FSTL5: variants seen among roughly 807,000 people sequenced by gnomAD.
FSTL5 encodes follistatin-related protein 5.
A neutral mutation model predicts 89.1 loss-of-function variants in FSTL5; 62 were observed. The observed-to-expected ratio is 0.70, with a 90% CI of 0.57 to 0.86. FSTL5 has a LOEUF of 0.86. Ranked by LOEUF, FSTL5 falls within the 40% of genes least tolerant of loss-of-function variation. The pLI is 0.00. For missense variants in FSTL5, 1,057 were observed against 1,001.6 expected (o/e 1.06, Z -0.75); for synonymous variants, 383 against 346.2 (o/e 1.11, Z -1.18).
intron 3 of FSTL5, among the ~76,000 whole-genome samples, chr4:161,927,147 A>C (rs1734149586): frequency 6.6e-6 from 1 of 151,790 alleles, no homozygotes. Context: ...AACCATGTTG[A>C]TCTAGATAAT....
intron 13 of FSTL5, among the ~76,000 whole-genome samples, chr4:161,480,118 TGAAAAG>T (rs1434034842): frequency 6.6e-6 from 1 of 152,154 alleles, no homozygotes; most frequent in Non-Finnish European, 1.5e-5. Flanking sequence ...TCTCTGTAAA[TGAAAAG>T]AATGTTTTGG....
At chr4:161,731,716 T>C (rs374297183) in intron 6 of FSTL5, among the ~76,000 whole-genome samples, 11 of 151,756 alleles carry the variant, frequency 7.2e-5, no homozygotes, top group African/African-American at 2.7e-4. Context: ...TAGATTACTT[T>C]GCATTTTTAA....
intron 7 of FSTL5, among the ~76,000 whole-genome samples, chr4:161,620,733 A>G (rs1735093622): frequency 6.6e-6 from 1 of 152,216 alleles, no homozygotes; most frequent in South Asian, 2.1e-4. Context: ...ACAAAGTGAT[A>G]ATTTAGATAT....
intron 5 of FSTL5, among the ~76,000 whole-genome samples, chr4:161,774,407 CA>C (rs1222968121): frequency 6.6e-6 from 1 of 152,134 alleles, no homozygotes; most frequent in Non-Finnish European, 1.5e-5. Flanking sequence ...GTTTTAGCCA[CA>C]CAGTTTGTGG....
At chr4:161,560,659 C>G (rs778248097) in intron 8 of FSTL5, among the ~76,000 whole-genome samples, 13 of 151,490 alleles carry the variant, frequency 8.6e-5, no homozygotes, top group Non-Finnish European at 2.9e-5. Flanking sequence ...ATTAGTTGAG[C>G]CCTACACAGG....
intron 4 of FSTL5, among the ~76,000 whole-genome samples, chr4:161,871,212 C>T (rs1315457854): frequency 2.6e-5 from 4 of 151,986 alleles, no homozygotes; most frequent in African/African-American, 9.7e-5. Flanking sequence ...ACACAGATTA[C>T]TGAAATTAAT....
intron 11 of FSTL5, among the ~76,000 whole-genome samples, chr4:161,508,966 T>G (rs952993881): frequency 2.0e-5 from 3 of 152,180 alleles, no homozygotes; most frequent in Non-Finnish European, 4.4e-5. Context: ...ATAAAATCAA[T>G]TTTTAAAATG....
chr4:161,591,990 A>AT (rs1246292063), intron 7 of FSTL5, among the ~76,000 whole-genome samples: 1 of 152,218 alleles, frequency 6.6e-6, no homozygotes, highest in Non-Finnish European at 1.5e-5. Context: ...CTTGTCAGTC[A>AT]TAAGTTGAAC....
chr4:161,775,922 C>T lies in FSTL5; in HGVS notation c.562G>A (p.Asp188Asn). 1 of 1,602,364 alleles carries T rather than the reference C, an allele frequency of 6.2e-7. No homozygotes were observed. The highest frequency in any genetic ancestry group is 8.5e-7 in the Non-Finnish European group (1 of 1,174,830). ...TCTACAAGTCCATTACTGTCTGCATCAAAATATTTAAACATTTGATCCACC... is the reference window on the plus strand; with the variant it reads ...TCTACAAGTCCATTACTGTCTGCATTAAAATATTTAAACATTTGATCCACC... The part of the protein sequence containing the change: ...LLVDQMFKYF[D>N]ADSNGLVDIN... Residue 188 changes from aspartate to asparagine, a missense_variant, in exon 5 of 16, where the codon GAT becomes AAT. Transcript: ENST00000306100.
intron 4 of FSTL5, among the ~76,000 whole-genome samples, chr4:161,820,836 A>G (rs919424228): frequency 2.0e-5 from 3 of 152,070 alleles, no homozygotes; most frequent in African/African-American, 4.8e-5. Context: ...AAAGATGTCA[A>G]TGATAATCTG....
intron 8 of FSTL5, among the ~76,000 whole-genome samples, chr4:161,570,342 G>C (rs990930733): frequency 6.6e-6 from 1 of 152,126 alleles, no homozygotes; most frequent in Non-Finnish European, 1.5e-5. Context: ...GAATCTTCTG[G>C]GCAGGGGAAA....
chr4:161,792,822 T>C (rs533055196), intron 4 of FSTL5, among the ~76,000 whole-genome samples: 5 of 152,126 alleles, frequency 3.3e-5, no homozygotes, highest in Non-Finnish European at 7.4e-5. Context: ...TCTTCCTGGA[T>C]GTGGGACAAT....
intron 3 of FSTL5, among the ~76,000 whole-genome samples, chr4:161,921,336 A>G (rs1314102683): frequency 1.3e-5 from 2 of 152,172 alleles, no homozygotes; most frequent in Non-Finnish European, 1.5e-5. Flanking sequence ...CTTGTTACTT[A>G]TTTAGTCTAA....
chr4:161,842,319 A>T (rs1193967529), intron 4 of FSTL5, among the ~76,000 whole-genome samples: 2 of 152,120 alleles, frequency 1.3e-5, no homozygotes, highest in African/African-American at 4.8e-5. Context: ...TAACTATGAG[A>T]CTAAGAGTGA....
chr4:161,618,050 G>A (rs1578971236), intron 7 of FSTL5, among the ~76,000 whole-genome samples: 1 of 151,960 alleles, frequency 6.6e-6, no homozygotes, highest in Non-Finnish European at 1.5e-5. Context: ...TCCCTTGTAA[G>A]TTGGATTCCT....
intron 3 of FSTL5, among the ~76,000 whole-genome samples, chr4:161,930,541 T>A (rs1734257501): frequency 6.6e-6 from 1 of 151,868 alleles, no homozygotes; most frequent in East Asian, 1.9e-4. Flanking sequence ...CCAATGTTAG[T>A]AGCGTTTTCA....
At chr4:161,992,801 C>T (rs1194332136) in intron 3 of FSTL5, among the ~76,000 whole-genome samples, 3 of 142,150 alleles carry the variant, frequency 2.1e-5, no homozygotes, top group Admixed American at 7.3e-5. Flanking sequence ...CTGAGACCAC[C>T]GTGCCATTGA....
chr4:161,651,051 T>A (rs530525329), intron 7 of FSTL5, among the ~76,000 whole-genome samples: 77 of 152,242 alleles, frequency 5.1e-4, no homozygotes, highest in Non-Finnish European at 8.7e-4. Context: ...CTATTTTATT[T>A]CCTCTCCAGG....
chr4:161,675,342 G>A (rs1368926176), intron 6 of FSTL5, among the ~76,000 whole-genome samples: 1 of 151,348 alleles, frequency 6.6e-6, no homozygotes, highest in East Asian at 1.9e-4. Flanking sequence ...ATGCATATCA[G>A]CTTATATTCT....
Sources: allele counts gnomAD v4.1 joint callset (sites outside exome capture counted in the v4.1 genomes callset), GRCh38; gene constraint gnomAD v4.1.1; transcripts MANE v1.5; gene names NCBI Gene and HGNC (gene_info 2026-07-23, HGNC 2026-07-21).